Variants in ZNF721 observed in about 807,000 individuals in gnomAD.
ZNF721 encodes zinc finger protein 721.
ZNF721 carries 2 observed loss-of-function variants against 2.4 expected under a neutral mutation model. The observed-to-expected ratio is 0.82, with a 90% CI of 0.34 to 2.58. The LOEUF (loss-of-function observed/expected upper bound fraction) is 2.58, where lower values mean the gene tolerates loss of function less well. Ranked by LOEUF, ZNF721 falls within the 30% of genes most tolerant of loss-of-function variation. The probability of loss-of-function intolerance (pLI) is 0.11; values close to 1 mark genes in which losing one functional copy is unlikely to be tolerated. For synonymous variants in ZNF721, 398 were observed against 381.8 expected, an observed-to-expected ratio of 1.04 and a Z score of -0.50; for missense variants, 1,187 against 1,085.5, an observed-to-expected ratio of 1.09 and a Z score of -1.31.
chr4:486,885 A>G (rs1553870503), intron 1 of ZNF721, among the ~76,000 whole-genome samples: 2 of 152,134 alleles, frequency 1.3e-5, no homozygotes, highest in African/African-American at 4.8e-5. Context: ...CCAATGGTGA[A>G]GAGTAATGGA....
At chr4:498,250 T>G (rs1576979716) in intron 1 of ZNF721, among the ~76,000 whole-genome samples, 2 of 146,136 alleles carry the variant, frequency 1.4e-5, no homozygotes, top group Non-Finnish European at 3.0e-5. Context: ...AGAAGGACAT[T>G]GGTTCTGTCC....
At chr4:444,579 AC>A (rs1394172013) in intron 2 of ZNF721, 147 bp from the exon 3 acceptor site, 1 of 850,682 alleles carries the variant, frequency 1.2e-6, no homozygotes, top group Non-Finnish European at 1.7e-6. Context: ...CATGTAACAA[AC>A]ATATGGTGAT....
At chr4:444,818 G>A (rs900664331) in intron 2 of ZNF721, among the ~76,000 whole-genome samples, 2 of 152,066 alleles carry the variant, frequency 1.3e-5, no homozygotes, top group Non-Finnish European at 2.9e-5. Context: ...CTGGCTTTTG[G>A]GGTCTTTACA....
chr4:443,468 G>A lies in ZNF721; in HGVS notation c.999C>T (p.Tyr333=). Residue 333 remains tyrosine (Y), a synonymous_variant, in exon 3 of 3, where the codon TAC becomes TAT. Transcript: ENST00000511833. ...HRRIHTGEKP[Y]TCGECGKTFR... is the part of the protein sequence containing the mutation. Reference sequence around the variant, plus strand: ...AGGTTTTGCCACATTCTCCACATGTGTAGGGTTTCTCTCCAGTATGAATTC... The same window carrying A: ...AGGTTTTGCCACATTCTCCACATGTATAGGGTTTCTCTCCAGTATGAATTC... 6.2e-7 allele frequency: 1 copy of A among 1,612,146 alleles called. No individual in the cohort carries two copies. Among genetic ancestry groups the A allele is most frequent in the Non-Finnish European group, 8.5e-7 (1 of 1,178,412 alleles).
chr4:459,687 C>T (rs755267970), intron 2 of ZNF721, among the ~76,000 whole-genome samples: 5 of 151,854 alleles, frequency 3.3e-5, no homozygotes, highest in South Asian at 2.1e-4. Context: ...AAAAATTAGC[C>T]GGGCGTGGTG....
intron 2 of ZNF721, among the ~76,000 whole-genome samples, chr4:455,838 C>T (rs1714829110): frequency 1.3e-5 from 2 of 152,088 alleles, no homozygotes; most frequent in African/African-American, 4.8e-5. Flanking sequence ...CCCCACTAGA[C>T]TGTACACTTG....
At chr4:481,836 G>A (rs1472114563) in intron 1 of ZNF721, among the ~76,000 whole-genome samples, 15 of 152,154 alleles carry the variant, frequency 9.9e-5, no homozygotes, top group Non-Finnish European at 2.2e-4. Context: ...TCTCAGCTGT[G>A]GTGCCTGTGC....
At chr4:465,428 G>T (rs1392162981) in intron 2 of ZNF721, among the ~76,000 whole-genome samples, 3 of 133,114 alleles carry the variant, frequency 2.3e-5, no homozygotes, top group African/African-American at 3.5e-5. Flanking sequence ...CTAGGCTTTT[G>T]TTTTTTGTTT....
intron 2 of ZNF721, chr4:454,035 C>T (rs1714758490): frequency 6.6e-6 from 1 of 152,140 alleles, no homozygotes; most frequent in Non-Finnish European, 1.5e-5. Context: ...GTTTCTCCCA[C>T]CAGACAACTG....
At chr4:447,658 C>A (rs940304106) in intron 2 of ZNF721, among the ~76,000 whole-genome samples, 6 of 152,070 alleles carry the variant, frequency 3.9e-5, no homozygotes, top group Admixed American at 2.0e-4. Context: ...ACAGGAGTCA[C>A]TTGAGATGTA....
chr4:455,216 A>G (rs1714808995), intron 2 of ZNF721, among the ~76,000 whole-genome samples: 1 of 152,176 alleles, frequency 6.6e-6, no homozygotes, highest in Admixed American at 6.5e-5. Context: ...CCTTAAAGAT[A>G]TTGTGTGTGT....
Position 442,466 on chromosome 4 carries a change from T to A in ZNF721, c.2001A>T (p.Gln667His). Reference sequence around the variant, plus strand: ...TGCCACACTCTTCACATTTGTAACTTTGCTCTCCAGTAAGAATTTTCGTGT... The same window carrying A: ...TGCCACACTCTTCACATTTGTAACTATGCTCTCCAGTAAGAATTTTCGTGT... ...NQHTKILTGE[Q>H]SYKCEECGKA... The change falls in exon 3 of 3, where the codon CAA (glutamine) becomes CAT (histidine). Residue 667 changes from glutamine (Q) to histidine (H), a missense_variant. Gln to His is a conservative substitution (Grantham distance 24, BLOSUM62 0). Coordinates refer to ENST00000511833, the MANE Select transcript of ZNF721 (RefSeq NM_133474.4). The A allele has an allele frequency of 6.2e-7, 1 of 1,613,946 alleles. No homozygotes were observed. Among genetic ancestry groups the A allele is most frequent in the African/African-American group, 1.3e-5 (1 of 75,050 alleles).
At chr4:476,089 C>A (rs987655086) in intron 1 of ZNF721, among the ~76,000 whole-genome samples, 2 of 152,152 alleles carry the variant, frequency 1.3e-5, no homozygotes, top group South Asian at 2.1e-4. Context: ...ACCATTCATC[C>A]AAAATGATAC....
At chr4:448,661 CTCAGAGGCT>C (rs1714556523) in intron 2 of ZNF721, among the ~76,000 whole-genome samples, 1 of 152,134 alleles carries the variant, frequency 6.6e-6, no homozygotes, top group Non-Finnish European at 1.5e-5. Context: ...GAGAAGCAAT[CTCAGAGGCT>C]TCACAGCTCC....
intron 2 of ZNF721, among the ~76,000 whole-genome samples, chr4:448,914 G>A (rs563564538): frequency 1.8e-4 from 27 of 152,110 alleles, no homozygotes; most frequent in Non-Finnish European, 3.5e-4. Context: ...TACTCAGTTT[G>A]TAAAAAGCAA....
At chr4:486,811 A>G (rs183009257) in intron 1 of ZNF721, among the ~76,000 whole-genome samples, 5 of 152,314 alleles carry the variant, frequency 3.3e-5, no homozygotes, top group Non-Finnish European at 7.3e-5. Flanking sequence ...ATGCTCAGCA[A>G]TTTTCTCAAA....
intron 2 of ZNF721, among the ~76,000 whole-genome samples, chr4:465,378 C>T (rs1443878256): frequency 2.0e-5 from 3 of 151,946 alleles, no homozygotes; most frequent in Non-Finnish European, 4.4e-5. Flanking sequence ...CAAAGCAAGA[C>T]CCTATGTGAA....
chr4:474,258 AGGCTTT>A, intron 1 of ZNF721: 1 of 352,474 alleles, frequency 2.8e-6, no homozygotes, highest in African/African-American at 2.1e-5. Flanking sequence ...TCACGCCCTC[AGGCTTT>A]GAATGACAGA....
chr4:457,192 G>T (rs1245567952), intron 2 of ZNF721, among the ~76,000 whole-genome samples: 2 of 152,056 alleles, frequency 1.3e-5, no homozygotes, highest in East Asian at 3.9e-4. Flanking sequence ...CAGAAATTTT[G>T]AATTTGAAAT....
Sources: gnomAD v4.1 joint callset for allele counts (sites outside exome capture counted in the v4.1 genomes callset) on GRCh38, gnomAD v4.1.1 for gene constraint, MANE v1.5 for transcripts, NCBI Gene and HGNC (gene_info 2026-07-23, HGNC 2026-07-21) for gene names.